Variants in IP6K2 observed in about 807,000 individuals in gnomAD.
IP6K2 encodes the protein ATP:1D-myo-inositol-hexakisphosphate phosphotransferase.
In IP6K2, 9 loss-of-function variants were observed where a neutral mutation model predicts 43.3. The observed-to-expected ratio is 0.21, with a 90% CI of 0.13 to 0.36. IP6K2 has a LOEUF of 0.36. Ranked by LOEUF, IP6K2 falls within the 10% of genes least tolerant of loss-of-function variation. IP6K2 has a pLI of 1.00. For missense variants in IP6K2, 332 were observed against 538.4 expected (o/e 0.62, Z 3.79); for synonymous variants, 209 against 202.4 (o/e 1.03, Z -0.28).
chr3:48,703,063 G>C (rs992690859), intron 1 of IP6K2, among the ~76,000 whole-genome samples: 2 of 152,300 alleles, frequency 1.3e-5, no homozygotes, highest in East Asian at 3.9e-4. Context: ...AGTTTACTTT[G>C]CATTTATTAT....
rs549736189 is a variant in IP6K2 at position 48,689,188 on chromosome 3, C to T, written c.780+350G>A. Among the ~76,000 whole-genome samples, 3 of 152,230 alleles carry T rather than the reference C, an allele frequency of 2.0e-5. No homozygotes were observed. The East Asian group carries it at 5.8e-4, about 29-fold the overall frequency. On this transcript the variant is annotated intron_variant, in intron 5 of 5. Coordinates refer to ENST00000328631, the MANE Select transcript of IP6K2 (RefSeq NM_016291.4). The stretch of plus-strand genomic sequence containing the variant: ...CCTTTTTATTTTGAGACAGTCTCGC[C>T]GTCGCCCAGGCTGGAGTGCAATGGC...
chr3:48,702,092 A>G (rs1173334189), intron 1 of IP6K2, among the ~76,000 whole-genome samples: 1 of 151,298 alleles, frequency 6.6e-6, no homozygotes, highest in Non-Finnish European at 1.5e-5. Context: ...TGAGCTGGAC[A>G]TGGTGGTGGA....
At chr3:48,696,169 G>A (rs1050202150) in intron 1 of IP6K2, among the ~76,000 whole-genome samples, 11 of 151,634 alleles carry the variant, frequency 7.3e-5, no homozygotes, top group East Asian at 1.9e-4. Flanking sequence ...AGGTGTGAGC[G>A]ACCGCACCCA....
At chr3:48,696,959 G>A (rs1190661482) in intron 1 of IP6K2, among the ~76,000 whole-genome samples, 1 of 151,992 alleles carries the variant, frequency 6.6e-6, no homozygotes. Context: ...CTTCTCCCAA[G>A]TGAACCCCAT....
intron 2 of IP6K2, chr3:48,693,884 A>T: frequency 4.1e-6 from 5 of 1,216,480 alleles, no homozygotes; most frequent in Non-Finnish European, 5.1e-6. Context: ...CCTTGAAAGC[A>T]GCTTTTCCCC....
At chr3:48,709,402 C>T (rs1490490095) in intron 1 of IP6K2, among the ~76,000 whole-genome samples, 1 of 152,208 alleles carries the variant, frequency 6.6e-6, no homozygotes, top group Non-Finnish European at 1.5e-5. Context: ...AAATACTCCT[C>T]GCAAGGGTCT....
chr3:48,703,743 A>C (rs1347503215), intron 1 of IP6K2, among the ~76,000 whole-genome samples: 2 of 151,764 alleles, frequency 1.3e-5, no homozygotes, highest in South Asian at 2.1e-4. Context: ...CAAAACAAAA[A>C]TATCTCTTGC....
intron 1 of IP6K2, among the ~76,000 whole-genome samples, chr3:48,714,730 G>A (rs575335237): frequency 7.9e-5 from 12 of 151,954 alleles, no homozygotes; most frequent in South Asian, 2.1e-4. Flanking sequence ...CAGGCCAGGC[G>A]CGGAGGCTGA....
chr3:48,693,649 A>C (rs1356847136), intron 2 of IP6K2: 6 of 1,105,406 alleles, frequency 5.4e-6, no homozygotes, highest in Non-Finnish European at 5.5e-6. Context: ...TCCAAGAGTA[A>C]GGGAAGACTG....
At chr3:48,692,816 A>G in intron 3 of IP6K2, 138 bp downstream of exon 3, 1 of 687,662 alleles carries the variant, frequency 1.5e-6, no homozygotes. Context: ...TGAGTATGCC[A>G]TGTGGGAATT....
At chr3:48,713,791 A>C (rs1395089817) in intron 1 of IP6K2, among the ~76,000 whole-genome samples, 1 of 150,548 alleles carries the variant, frequency 6.6e-6, no homozygotes, top group African/African-American at 2.4e-5. Context: ...ATTTTTTCAA[A>C]AAAAAAAAAA....
intron 1 of IP6K2, among the ~76,000 whole-genome samples, chr3:48,697,178 A>G (rs890997044): frequency 2.0e-5 from 3 of 148,474 alleles, no homozygotes; most frequent in African/African-American, 5.0e-5. Flanking sequence ...CCGCCACCAC[A>G]CCCGGCTAAT....
At chr3:48,694,035 G>T (rs1358228505) in intron 2 of IP6K2, 3 of 1,427,262 alleles carry the variant, frequency 2.1e-6, no homozygotes, top group Non-Finnish European at 2.8e-6. Context: ...CTCTGCCCCA[G>T]CATCACTCAA....
intron 1 of IP6K2, among the ~76,000 whole-genome samples, chr3:48,712,138 A>T (rs986649636): frequency 6.6e-6 from 1 of 152,094 alleles, no homozygotes; most frequent in Non-Finnish European, 1.5e-5. Flanking sequence ...TCACACCTGT[A>T]ATCCTGGCGC....
chr3:48,688,563 G>C lies in IP6K2; in HGVS notation c.991C>G (p.Leu331Val). The C allele has an allele frequency of 6.2e-7, 1 of 1,614,232 alleles. No individual in the cohort carries two copies. The highest frequency in any genetic ancestry group is 1.1e-5 in the South Asian group (1 of 91,082). The change falls in exon 6 of 6, where the codon CTG becomes GTG. Residue 331 changes from leucine (L) to valine (V), a missense_variant. Physicochemically the swap from Leu to Val is conservative, Grantham distance 32. Transcript: ENST00000328631. This position sits in a 1 kb window ranked among gnomAD's most constrained non-coding sequence, Gnocchi z 5.1. ...TCCTTGCCATCATAAATGACCAGCAGGGAGCTTGAGTAGAAGCGGTAGGAC... is the reference window on the plus strand; with the variant it reads ...TCCTTGCCATCATAAATGACCAGCACGGAGCTTGAGTAGAAGCGGTAGGAC... ...QESYRFYSSS[L>V]LVIYDGKERP...
At chr3:48,698,354 A>G (rs1471414067) in intron 1 of IP6K2, among the ~76,000 whole-genome samples, 1 of 152,216 alleles carries the variant, frequency 6.6e-6, no homozygotes, top group Non-Finnish European at 1.5e-5. Context: ...GGCTTTAGAA[A>G]CACAATCCAG....
intron 5 of IP6K2, 24 bp downstream of exon 5, chr3:48,689,514 A>G: frequency 6.3e-7 from 1 of 1,597,426 alleles, no homozygotes; most frequent in Admixed American, 1.7e-5. Context: ...TGGATGCCCT[A>G]GCCAGCCCTA....
intron 1 of IP6K2, among the ~76,000 whole-genome samples, chr3:48,708,397 T>C (rs909074454): frequency 2.0e-5 from 3 of 152,084 alleles, no homozygotes; most frequent in African/African-American, 7.2e-5. Flanking sequence ...CCTTTATCAA[T>C]ATATCAAACT....
At position 48,705,655 on chromosome 3, in the gene IP6K2, A is replaced by T. The variant is rs916433480; in HGVS notation, c.-130-10234T>A. ...ATGACAGAGCAGGACACTGTCTATT[A>T]AAAAAAAAAAAAAGGCTATTCACAA... is the stretch of plus-strand genomic sequence containing the variant. On this transcript the variant is annotated intron_variant, in intron 1 of 5. Transcript: ENST00000328631. Among the ~76,000 whole-genome samples, 26 of 135,080 alleles carry T rather than the reference A, an allele frequency of 1.9e-4. No homozygotes were observed. In the East Asian group the frequency reaches 5.6e-3, roughly 29 times the overall value. The allele number at this position is 135,080 out of a possible 152,430, so 88.6% of individuals were successfully genotyped here. A position where few individuals can be genotyped will look rare whatever the true frequency, so the allele number is the denominator to read the frequency against.
Sources: gnomAD v4.1 joint callset for allele counts (sites outside exome capture counted in the v4.1 genomes callset) on GRCh38, gnomAD v4.1.1 for gene constraint, Gnocchi (gnomAD v3.1) non-coding constraint, MANE v1.5 for transcripts, NCBI Gene and HGNC (gene_info 2026-07-23, HGNC 2026-07-21) for gene names.